ADCY10: variants seen among roughly 807,000 people sequenced by gnomAD.
ADCY10 encodes the protein adenylate cyclase type 10.
ADCY10 carries 156 observed loss-of-function variants against 183.3 expected under a neutral mutation model. The ratio of observed to expected loss-of-function variants is 0.85; its 90% CI spans 0.75 to 0.97. The LOEUF is 0.97. Ranked by LOEUF, ADCY10 falls within the 50% of genes least tolerant of loss-of-function variation. The probability of loss-of-function intolerance (pLI) is 0.00; values close to 1 mark genes in which losing one functional copy is unlikely to be tolerated. For synonymous variants in ADCY10, 645 were observed against 670.0 expected (o/e 0.96, Z 0.58); for missense variants, 1,745 against 1,934.3 (o/e 0.90, Z 1.84).
Position 167,865,154 on chromosome 1 carries a change from G to A in ADCY10, c.1617-4091C>T, listed in dbSNP as rs566783255. Among the ~76,000 whole-genome samples the A allele has an allele frequency of 2.0e-5, 3 of 152,186 alleles. No homozygotes were observed. In the South Asian group the frequency reaches 6.2e-4, roughly 32 times the overall value. On this transcript the variant is annotated intron_variant, in intron 14 of 32. Transcript: ENST00000367851. ...TATTGAAGAAACAGTTTATGTGCAAGGTGCATAAGAAAAGTAAAATATACT... is the reference window on the plus strand; with the variant it reads ...TATTGAAGAAACAGTTTATGTGCAAAGTGCATAAGAAAAGTAAAATATACT...
intron 15 of ADCY10, 33 bp from the exon 16 acceptor site, chr1:167,859,926 G>A (rs1336074837): frequency 6.6e-7 from 1 of 1,507,870 alleles, no homozygotes; most frequent in Admixed American, 1.7e-5. Flanking sequence ...ATTGAGTATG[G>A]GAAAATAGCA....
intron 21 of ADCY10, among the ~76,000 whole-genome samples, chr1:167,840,708 T>C (rs1195476973): frequency 6.6e-6 from 1 of 151,824 alleles, no homozygotes; most frequent in Non-Finnish European, 1.5e-5. Context: ...GGAGATATTA[T>C]ATTAAGAGTT....
rs1459994625 is a variant in ADCY10, at chr1:167,901,713, A to G, written c.385T>C (p.Leu129=). 6.2e-7 allele frequency: 1 copy of G among 1,613,974 alleles called. No individual in the cohort carries two copies. The highest frequency in any genetic ancestry group is 1.3e-5 in the African/African-American group (1 of 74,906). The change falls in exon 5 of 33, where the codon TTG becomes CTG. Residue 129 remains leucine (L), a synonymous_variant. Coordinates refer to ENST00000367851, the MANE Select transcript of ADCY10 (RefSeq NM_018417.6). ...TCTTCCCACTCCTGGGTCTCAAACA[A>G]TCCATGGATCTCCAGGCTACATTTA... The part of the protein sequence containing the change: ...VIKCSLEIHG[L]FETQEWEEGL...
intron 18 of ADCY10, among the ~76,000 whole-genome samples, chr1:167,851,433 C>T (rs981368929): frequency 3.3e-5 from 5 of 152,126 alleles, no homozygotes; most frequent in African/African-American, 7.2e-5. Context: ...GCAATCCGCC[C>T]GCCTCAGACT....
At chr1:167,818,458 A>T (rs750369034) in intron 30 of ADCY10, 191 bp from the exon 31 acceptor site, 7 of 705,352 alleles carry the variant, frequency 9.9e-6, no homozygotes, top group Middle Eastern at 2.4e-4. Context: ...GAAATAATAA[A>T]TTTTTTTGAT....
chr1:167,820,034 A>T (rs1187811489), intron 30 of ADCY10: 1 of 1,577,014 alleles, frequency 6.3e-7, no homozygotes, highest in Non-Finnish European at 8.7e-7. Flanking sequence ...TATGACTCCC[A>T]GTTCTACGTT....
intron 29 of ADCY10, 24 bp from the exon 30 acceptor site, chr1:167,822,165 G>A: frequency 7.1e-7 from 1 of 1,399,308 alleles, no homozygotes; most frequent in Non-Finnish European, 1.0e-6. Context: ...GAATGGGTGA[G>A]AGTTATTAGT....
At chr1:167,828,610 T>A (rs1663485723) in intron 26 of ADCY10, among the ~76,000 whole-genome samples, 1 of 152,180 alleles carries the variant, frequency 6.6e-6, no homozygotes, top group Non-Finnish European at 1.5e-5. Flanking sequence ...AACAGAGTTT[T>A]AAAAAATGAA....
chr1:167,811,086 G>T (rs1008394366), intron 31 of ADCY10, among the ~76,000 whole-genome samples, 173 bp from the exon 32 acceptor site: 1 of 152,160 alleles, frequency 6.6e-6, no homozygotes, highest in South Asian at 2.1e-4. Flanking sequence ...TAAATGTCAG[G>T]CAGAGTAGCC....
chr1:167,823,242 T>G (rs1285816859), intron 28 of ADCY10, 119 bp from the exon 29 acceptor site: 2 of 735,834 alleles, frequency 2.7e-6, no homozygotes, highest in Non-Finnish European at 4.7e-6. Context: ...CTGGCCAACA[T>G]GGTGAAACCC....
intron 31 of ADCY10, among the ~76,000 whole-genome samples, chr1:167,812,199 G>T (rs929694363): frequency 4.7e-5 from 2 of 42,726 alleles, no homozygotes; most frequent in Non-Finnish European, 8.3e-5. Flanking sequence ...AGTCATTGTT[G>T]CACCTCTCCC....
At chr1:167,836,206 T>A in intron 23 of ADCY10, 103 bp downstream of exon 23, 1 of 776,858 alleles carries the variant, frequency 1.3e-6, no homozygotes, top group Non-Finnish European at 2.3e-6. Context: ...CTGTCGGGAA[T>A]ATACAACGTG....
chr1:167,814,545 TA>T (rs1273731708), intron 31 of ADCY10, among the ~76,000 whole-genome samples: 1 of 151,782 alleles, frequency 6.6e-6, no homozygotes, highest in Non-Finnish European at 1.5e-5. Context: ...AAGGTAGAAA[TA>T]GACAGTTCTA....
chr1:167,851,007 T>C (rs2101995381), intron 18 of ADCY10, among the ~76,000 whole-genome samples: 1 of 152,282 alleles, frequency 6.6e-6, no homozygotes, highest in African/African-American at 2.4e-5. Flanking sequence ...ATAGACAGAA[T>C]GTACTCCCTA....
chr1:167,904,114 G>T (rs1302626156), intron 2 of ADCY10, 123 bp from the exon 3 acceptor site: 6 of 587,650 alleles, frequency 1.0e-5, no homozygotes, highest in Non-Finnish European at 1.8e-5. Context: ...TTGAGACAGA[G>T]TCTTGCTTTG....
intron 21 of ADCY10, 131 bp downstream of exon 21, chr1:167,845,432 G>T: frequency 1.1e-6 from 1 of 918,432 alleles, no homozygotes; most frequent in Non-Finnish European, 1.7e-6. Context: ...GGCTGCTGAA[G>T]TCTCATCATT....
chr1:167,834,840 T>G (rs1315407514), intron 23 of ADCY10: 1 of 152,918 alleles, frequency 6.5e-6, no homozygotes, highest in African/African-American at 2.4e-5. Flanking sequence ...AATCATTGTC[T>G]TCTTGTCAAG....
chr1:167,904,930 A>T (rs1322042479), intron 2 of ADCY10, 63 bp downstream of exon 2: 1 of 1,611,498 alleles, frequency 6.2e-7, no homozygotes, highest in South Asian at 1.1e-5. Flanking sequence ...CAAGCTCTGC[A>T]TGTGAATTCC....
At chr1:167,819,649 G>T (rs1032512605) in intron 30 of ADCY10, among the ~76,000 whole-genome samples, 3 of 151,858 alleles carry the variant, frequency 2.0e-5, no homozygotes, top group Admixed American at 1.3e-4. Flanking sequence ...CGCAACCTTC[G>T]CCTCCTGGGT....
Sources: gnomAD v4.1 joint callset for allele counts (sites outside exome capture counted in the v4.1 genomes callset) on GRCh38, gnomAD v4.1.1 for gene constraint, MANE v1.5 for transcripts, NCBI Gene and HGNC (gene_info 2026-07-23, HGNC 2026-07-21) for gene names.